KCNMB2: variants seen among roughly 807,000 people sequenced by gnomAD.
KCNMB2 encodes calcium-activated potassium channel subunit beta-2.
Under a neutral mutation model 24.5 loss-of-function variants are expected in KCNMB2, and 9 were observed. That is an observed-to-expected ratio of 0.37 (90% CI 0.22 to 0.64). KCNMB2 has a LOEUF of 0.64. Ranked by LOEUF, KCNMB2 falls within the 30% of genes least tolerant of loss-of-function variation. The probability of loss-of-function intolerance (pLI) is 0.63; values close to 1 mark genes in which losing one functional copy is unlikely to be tolerated. For missense variants in KCNMB2, 226 were observed against 284.3 expected (o/e 0.79, Z 1.47); for synonymous variants, 109 against 104.4 (o/e 1.04, Z -0.27).
chr3:178,750,399 A>C (rs908843177), intron 1 of KCNMB2, among the ~76,000 whole-genome samples: 38 of 152,270 alleles, frequency 2.5e-4, no homozygotes, highest in African/African-American at 9.1e-4. Context: ...AAACAAAAAC[A>C]AAAACAAAAC....
intron 1 of KCNMB2, among the ~76,000 whole-genome samples, chr3:178,654,026 G>C (rs1047946641): frequency 6.6e-6 from 1 of 152,078 alleles, no homozygotes; most frequent in East Asian, 1.9e-4. Flanking sequence ...GCTGAACCTA[G>C]AAGCTTTAGG....
chr3:178,732,709 T>A (rs1044010337), intron 1 of KCNMB2, among the ~76,000 whole-genome samples: 4 of 152,220 alleles, frequency 2.6e-5, no homozygotes, highest in Non-Finnish European at 5.9e-5. Context: ...ATGTATATTA[T>A]ATAAAGTGCA....
intron 1 of KCNMB2, among the ~76,000 whole-genome samples, chr3:178,794,585 G>A (rs909891392): frequency 2.0e-5 from 3 of 152,164 alleles, no homozygotes; most frequent in Non-Finnish European, 4.4e-5. Flanking sequence ...CATTCCACAG[G>A]TATAGCCAGT....
intron 1 of KCNMB2, among the ~76,000 whole-genome samples, chr3:178,664,546 T>C (rs1200500325): frequency 6.6e-6 from 1 of 152,070 alleles, no homozygotes; most frequent in Non-Finnish European, 1.5e-5. Flanking sequence ...ATTATGAAGA[T>C]TGGCTTGTTT....
At chr3:178,833,876 T>C (rs1560040376) in intron 4 of KCNMB2, among the ~76,000 whole-genome samples, 1 of 152,192 alleles carries the variant, frequency 6.6e-6, no homozygotes, top group Non-Finnish European at 1.5e-5. Flanking sequence ...GGCTGACTAA[T>C]GGGCTCTGGG....
In KCNMB2 at chr3:178,574,364, G is replaced by T. The variant is rs141393827; in HGVS notation, c.-68+37653G>T. Among the ~76,000 whole-genome samples the T allele has an allele frequency of 1.9e-3, 284 of 152,312 alleles. 1 individual carries two copies. The highest frequency in any genetic ancestry group is 0.015 in the South Asian group (71 of 4,824). On this transcript the variant is annotated intron_variant, in intron 1 of 4. Transcript: ENST00000452583. ...CTCCTGGGGCTTCAGAACTAAGTGA[G>T]CCTTATTCCTTCCGGACATATCTTA...
At chr3:178,658,891 T>C (rs572304370) in intron 1 of KCNMB2, among the ~76,000 whole-genome samples, 1 of 152,230 alleles carries the variant, frequency 6.6e-6, no homozygotes, top group East Asian at 1.9e-4. Context: ...AAGTCTGGCA[T>C]GCACAGTGCT....
rs1310593913 is a variant in KCNMB2 at position 178,630,739 on chromosome 3, A to G, written c.-68+94028A>G. Among the ~76,000 whole-genome samples the G allele has an allele frequency of 2.0e-5, 3 of 152,160 alleles. No individual in the cohort carries two copies. The South Asian group carries it at 6.2e-4, about 32-fold the overall frequency. ...CATCTCTTTTTTCCAAGATACATAGATGCTATTATATGCAATAGTATATGC... is the reference window on the plus strand; with the variant it reads ...CATCTCTTTTTTCCAAGATACATAGGTGCTATTATATGCAATAGTATATGC... On this transcript the variant is annotated intron_variant, in intron 1 of 4. Coordinates refer to ENST00000452583, the MANE Select transcript of KCNMB2 (RefSeq NM_181361.3).
At chr3:178,813,214 T>C (rs1307952747) in intron 2 of KCNMB2, among the ~76,000 whole-genome samples, 2 of 152,170 alleles carry the variant, frequency 1.3e-5, no homozygotes, top group Non-Finnish European at 2.9e-5. Flanking sequence ...TGTATTGAAA[T>C]GGCATTGAAT....
At chr3:178,821,770 A>G (rs894955823) in intron 2 of KCNMB2, among the ~76,000 whole-genome samples, 7 of 152,156 alleles carry the variant, frequency 4.6e-5, no homozygotes, top group African/African-American at 1.7e-4. Flanking sequence ...ATAAATCTAA[A>G]CTATATCCTT....
At chr3:178,805,688 G>T (rs1713937952) in intron 1 of KCNMB2, among the ~76,000 whole-genome samples, 1 of 151,866 alleles carries the variant, frequency 6.6e-6, no homozygotes, top group South Asian at 2.1e-4. Context: ...GTGGTGCAGT[G>T]ACACAACCAC....
At chr3:178,806,580 T>C (rs1713978133) in intron 1 of KCNMB2, among the ~76,000 whole-genome samples, 1 of 152,058 alleles carries the variant, frequency 6.6e-6, no homozygotes, top group Admixed American at 6.5e-5. Flanking sequence ...TTTTATTTAA[T>C]GTTCCTAACT....
intron 1 of KCNMB2, among the ~76,000 whole-genome samples, chr3:178,630,313 A>C: frequency 6.6e-6 from 1 of 152,174 alleles, no homozygotes; most frequent in East Asian, 1.9e-4. Context: ...AATCTAAATT[A>C]AAATGTGTGT....
rs140550015 is a variant in KCNMB2, at chr3:178,729,785, T to C, written c.-67-77558T>C. Among the ~76,000 whole-genome samples, 15 of 152,304 alleles carry C rather than the reference T, an allele frequency of 9.8e-5. No individual in the cohort carries two copies. In the East Asian group the frequency reaches 1.5e-3, roughly 16 times the overall value. On this transcript the variant is annotated intron_variant, in intron 1 of 4. Coordinates refer to ENST00000452583, the MANE Select transcript of KCNMB2 (RefSeq NM_181361.3). ...TCTTTCCCAGGCACTTCCTGGAAGA[T>C]GGTTTGGTTTTTCTGTCTTTAAGGT...
intron 1 of KCNMB2, among the ~76,000 whole-genome samples, chr3:178,700,681 T>C (rs916131864): frequency 7.2e-5 from 11 of 152,146 alleles, no homozygotes; most frequent in African/African-American, 2.2e-4. Context: ...ATTTGCAACA[T>C]ATATTACTCG....
chr3:178,745,774 A>G (rs1723646900), intron 1 of KCNMB2, among the ~76,000 whole-genome samples: 1 of 152,232 alleles, frequency 6.6e-6, no homozygotes, highest in African/African-American at 2.4e-5. Context: ...TACAGGCCCC[A>G]TGCAAGTCTG....
intron 1 of KCNMB2, chr3:178,801,709 TA>T (rs1713782150): frequency 6.6e-6 from 1 of 152,180 alleles, no homozygotes; most frequent in African/African-American, 2.4e-5. Flanking sequence ...CATTTCTCTT[TA>T]TAGTAGAAGG....
intron 4 of KCNMB2, 142 bp from the exon 5 acceptor site, chr3:178,842,511 C>A: frequency 1.7e-6 from 1 of 596,602 alleles, no homozygotes; most frequent in East Asian, 2.6e-5. Flanking sequence ...TTAGGGTTTC[C>A]AAAGGCACCA....
intron 1 of KCNMB2, among the ~76,000 whole-genome samples, chr3:178,602,583 G>A (rs1485092690): frequency 1.3e-5 from 2 of 151,864 alleles, no homozygotes; most frequent in African/African-American, 4.8e-5. Context: ...TGGGGGGGAG[G>A]AGTGATATGT....
Sources: allele counts gnomAD v4.1 joint callset (sites outside exome capture counted in the v4.1 genomes callset), GRCh38; gene constraint gnomAD v4.1.1; transcripts MANE v1.5; gene names NCBI Gene and HGNC (gene_info 2026-07-23, HGNC 2026-07-21).